HSDL2: variants seen among roughly 807,000 people sequenced by gnomAD.
HSDL2 encodes the protein hydroxysteroid dehydrogenase like 2.
A neutral mutation model predicts 46.3 loss-of-function variants in HSDL2; 27 were observed. The ratio of observed to expected loss-of-function variants is 0.58; its 90% CI spans 0.43 to 0.80. The LOEUF (loss-of-function observed/expected upper bound fraction) is 0.80, where lower values mean the gene tolerates loss of function less well. Among genes scored for constraint, HSDL2 ranks in the 30% least tolerant of loss-of-function variants. The pLI, the probability that HSDL2 is intolerant of heterozygous loss-of-function variation, is 0.00. For synonymous variants in HSDL2, 153 were observed against 163.6 expected (o/e 0.94, Z 0.50); for missense variants, 451 against 502.7 (o/e 0.90, Z 0.98).
intron 7 of HSDL2, among the ~76,000 whole-genome samples, chr9:112,440,100 A>C (rs1293667702): frequency 6.6e-6 from 1 of 152,210 alleles, no homozygotes; most frequent in African/African-American, 2.4e-5. Context: ...ACCTGACCAG[A>C]TTCAGGTCTT....
intron 1 of HSDL2, 133 bp from the exon 2 acceptor site, chr9:112,403,861 TG>T: frequency 1.3e-6 from 1 of 780,970 alleles, no homozygotes; most frequent in Non-Finnish European, 2.1e-6. Flanking sequence ...TGCCATCAGA[TG>T]GGCATGGGGA....
At chr9:112,436,110 A>G (rs72760167) in intron 6 of HSDL2, among the ~76,000 whole-genome samples, 19,923 of 150,754 alleles carry the variant, frequency 0.13, 1,763 homozygotes, top group East Asian at 0.2. Flanking sequence ...CCCCATTTCT[A>G]CCAAAAAAAA....
At chr9:112,460,321 T>C (rs1256412106) in intron 10 of HSDL2, among the ~76,000 whole-genome samples, 1 of 152,210 alleles carries the variant, frequency 6.6e-6, no homozygotes, top group Non-Finnish European at 1.5e-5. Flanking sequence ...CCTCTAAGTC[T>C]TTCTTTACAG....
Position 112,425,987 on chromosome 9 carries a change from C to A in HSDL2, c.598+7029C>A, listed in dbSNP as rs558420939. 4.6e-5 allele frequency among the ~76,000 whole-genome samples: 7 copies of A among 152,326 alleles called. No individual in the cohort carries two copies. In the East Asian group the frequency reaches 1.3e-3, roughly 29 times the overall value. ...AACTCCTGGGCTCAGGAAATCCTTG[C>A]ACCTCGGCCTCCCAAATTGTTGGCA... On this transcript the variant is annotated intron_variant, in intron 6 of 10. Coordinates refer to ENST00000398805, the MANE Select transcript of HSDL2 (RefSeq NM_032303.5).
chr9:112,435,442 A>G (rs1220847519), intron 6 of HSDL2, among the ~76,000 whole-genome samples: 1 of 152,102 alleles, frequency 6.6e-6, no homozygotes, highest in African/African-American at 2.4e-5. Context: ...AACTCCAAGA[A>G]CTTTGGTTAA....
intron 8 of HSDL2, among the ~76,000 whole-genome samples, chr9:112,444,320 CCT>C (rs953606636): frequency 1.1e-4 from 17 of 152,196 alleles, no homozygotes; most frequent in East Asian, 3.8e-4. Flanking sequence ...TATAATAACC[CCT>C]GTTACCATTT....
chr9:112,449,080 G>GTTT (rs59586435), intron 8 of HSDL2, among the ~76,000 whole-genome samples: 5 of 118,954 alleles, frequency 4.2e-5, no homozygotes, highest in Non-Finnish European at 3.5e-5. Context: ...TCTTTCCTCT[G>GTTT]TTTTTTTTTT....
Position 112,380,112 on chromosome 9 carries a change from C to A in HSDL2, c.-52C>A. On this transcript the variant is annotated 5_prime_UTR_variant, in exon 1 of 11. Coordinates refer to ENST00000398805, the MANE Select transcript of HSDL2 (RefSeq NM_032303.5). ...GCGGAGGGACGGTCCAGCTTTAGCTCTCTGCTCGCCGCCGCCGCTGTCGCC... is the reference window on the plus strand; with the variant it reads ...GCGGAGGGACGGTCCAGCTTTAGCTATCTGCTCGCCGCCGCCGCTGTCGCC... The A allele has an allele frequency of 6.6e-7, 1 of 1,510,944 alleles. No individual in the cohort carries two copies. Among genetic ancestry groups the A allele is most frequent in the Non-Finnish European group, 9.0e-7 (1 of 1,110,378 alleles). 93.6% of individuals were successfully genotyped at this position (1,510,944 alleles called of 1,614,324 possible). A position where few individuals can be genotyped will look rare whatever the true frequency, so the allele number is the denominator to read the frequency against.
intron 6 of HSDL2, among the ~76,000 whole-genome samples, chr9:112,425,566 G>T (rs1282780805): frequency 6.6e-6 from 1 of 151,932 alleles, no homozygotes; most frequent in Non-Finnish European, 1.5e-5. Context: ...TGTTAATTAT[G>T]GAAATTAATT....
At chr9:112,436,965 T>C (rs1014916888) in intron 6 of HSDL2, among the ~76,000 whole-genome samples, 2 of 142,980 alleles carry the variant, frequency 1.4e-5, no homozygotes, top group East Asian at 2.0e-4. Context: ...TTTTTCTTTT[T>C]TTTTTTTTTT....
intron 5 of HSDL2, among the ~76,000 whole-genome samples, chr9:112,418,467 C>T (rs1832044710): frequency 6.6e-6 from 1 of 151,136 alleles, no homozygotes; most frequent in Admixed American, 6.6e-5. Context: ...CCCATAGTCC[C>T]AGCTACTCGG....
At chr9:112,410,839 G>T (rs1048516078) in intron 4 of HSDL2, among the ~76,000 whole-genome samples, 7 of 152,150 alleles carry the variant, frequency 4.6e-5, no homozygotes, top group African/African-American at 7.2e-5. Context: ...TGAAGTGGGG[G>T]GATTGTCTGA....
In HSDL2 at chr9:112,472,269, T is replaced by G. The variant is rs1395506255; in HGVS notation, c.*1725T>G. On this transcript the variant is annotated 3_prime_UTR_variant, in exon 11 of 11. Coordinates refer to ENST00000398805, the MANE Select transcript of HSDL2 (RefSeq NM_032303.5). The stretch of plus-strand genomic sequence containing the variant: ...GTTAACCAATCTGCTGTGTCTACTA[T>G]GCTGTTTCCTTGTTCCTGCTAGTGC... 2.0e-5 allele frequency: 3 copies of G among 152,096 alleles called. No homozygotes were observed. Among genetic ancestry groups the G allele is most frequent in the Non-Finnish European group, 2.9e-5 (2 of 68,058 alleles). The allele number at this position is 152,096 out of a possible 1,614,324, so 9.4% of individuals were successfully genotyped here.
intron 6 of HSDL2, chr9:112,433,847 A>G (rs925203552): frequency 2.0e-5 from 3 of 152,198 alleles, no homozygotes; most frequent in African/African-American, 7.2e-5. Flanking sequence ...TGCTTAACGG[A>G]GTGGGTACAG....
intron 6 of HSDL2, among the ~76,000 whole-genome samples, chr9:112,431,545 A>C (rs1371184641): frequency 6.6e-6 from 1 of 152,078 alleles, no homozygotes; most frequent in Admixed American, 6.6e-5. Flanking sequence ...TGTCACCCCC[A>C]GTGTTGGAGG....
At chr9:112,444,731 CCT>C (rs1832712699) in intron 8 of HSDL2, among the ~76,000 whole-genome samples, 1 of 151,640 alleles carries the variant, frequency 6.6e-6, no homozygotes, top group Non-Finnish European at 1.5e-5. Flanking sequence ...GAGTGAGACC[CCT>C]GTCTCAAAAA....
intron 9 of HSDL2, among the ~76,000 whole-genome samples, chr9:112,455,740 C>T (rs1833002794): frequency 1.3e-5 from 2 of 152,216 alleles, no homozygotes; most frequent in South Asian, 4.1e-4. Context: ...TCTCTCCCTT[C>T]ACCTCTTCCC....
chr9:112,414,463 T>A (rs1301360631), intron 4 of HSDL2, among the ~76,000 whole-genome samples: 4 of 152,062 alleles, frequency 2.6e-5, no homozygotes. Flanking sequence ...AGTATCTAAG[T>A]GTGGTGCTAA....
At chr9:112,456,905 A>G (rs1407785613) in intron 9 of HSDL2, among the ~76,000 whole-genome samples, 1 of 152,194 alleles carries the variant, frequency 6.6e-6, no homozygotes, top group Non-Finnish European at 1.5e-5. Flanking sequence ...CTATTATCCC[A>G]GCACTTTGGA....
Sources: gnomAD v4.1 joint callset for allele counts (sites outside exome capture counted in the v4.1 genomes callset) on GRCh38, gnomAD v4.1.1 for gene constraint, MANE v1.5 for transcripts, NCBI Gene and HGNC (gene_info 2026-07-23, HGNC 2026-07-21) for gene names.